The following PRKG1 variants were observed in gnomAD, a reference collection of about 807,000 sequenced individuals.
PRKG1 encodes protein kinase cGMP-dependent 1, also known as cGMP-dependent protein kinase 1.
A neutral mutation model predicts 88.1 loss-of-function variants in PRKG1; 35 were observed. The observed-to-expected ratio is 0.40, with a 90% CI of 0.30 to 0.53. PRKG1 has a LOEUF of 0.53. Ranked by LOEUF, PRKG1 falls within the 20% of genes least tolerant of loss-of-function variation. The pLI is 0.59. For missense variants in PRKG1, 540 were observed against 839.8 expected (o/e 0.64, Z 4.41); for synonymous variants, 303 against 292.5 (o/e 1.04, Z -0.37).
chr10:51,721,088 C>T (rs1209640931), intron 3 of PRKG1, among the ~76,000 whole-genome samples: 1 of 151,756 alleles, frequency 6.6e-6, no homozygotes, highest in Non-Finnish European at 1.5e-5. Flanking sequence ...TGATGTGTGC[C>T]TGTAGTCCCG....
intron 2 of PRKG1, among the ~76,000 whole-genome samples, chr10:51,395,794 A>G (rs1256379231): frequency 6.6e-6 from 1 of 152,162 alleles, no homozygotes; most frequent in Non-Finnish European, 1.5e-5. Flanking sequence ...ATATCCTGCT[A>G]AGTAATGCTG....
chr10:52,107,032 T>A (rs892621642), intron 7 of PRKG1, among the ~76,000 whole-genome samples: 2 of 152,184 alleles, frequency 1.3e-5, no homozygotes, highest in East Asian at 3.9e-4. Flanking sequence ...GTCCTGATCC[T>A]CCATAGTCAG....
intron 3 of PRKG1, among the ~76,000 whole-genome samples, chr10:51,558,114 C>A (rs1237932662): frequency 6.6e-6 from 1 of 151,882 alleles, no homozygotes; most frequent in East Asian, 1.9e-4. Flanking sequence ...ACCAACAGAC[C>A]AAATTTTTGA....
At chr10:51,694,350 A>G (rs919011233) in intron 3 of PRKG1, among the ~76,000 whole-genome samples, 1 of 152,240 alleles carries the variant, frequency 6.6e-6, no homozygotes, top group Non-Finnish European at 1.5e-5. Flanking sequence ...AGCCGTGATT[A>G]CGTTAACGGT....
At chr10:51,201,071 T>C (rs938840840) in intron 2 of PRKG1, among the ~76,000 whole-genome samples, 18 of 152,218 alleles carry the variant, frequency 1.2e-4, no homozygotes, top group Non-Finnish European at 2.4e-4. Flanking sequence ...CTAATCTTTA[T>C]CTTAAATCTC....
chr10:52,273,544 A>G (rs1190188657), intron 12 of PRKG1, among the ~76,000 whole-genome samples: 5 of 152,108 alleles, frequency 3.3e-5, no homozygotes, highest in African/African-American at 1.2e-4. Context: ...TTAAATTCTC[A>G]TTCCTAATGG....
intron 3 of PRKG1, among the ~76,000 whole-genome samples, chr10:51,686,633 G>T (rs1405060193): frequency 1.3e-5 from 2 of 152,158 alleles, no homozygotes; most frequent in Non-Finnish European, 2.9e-5. Context: ...AAGCACATTT[G>T]TTTCCCCCAT....
In PRKG1 at chr10:51,167,022, A is replaced by G. The variant is rs150524319; in HGVS notation, c.478+13692A>G. On this transcript the variant is annotated intron_variant, in intron 2 of 17. Coordinates refer to ENST00000373980, the MANE Select transcript of PRKG1 (RefSeq NM_006258.4). The stretch of plus-strand genomic sequence containing the variant: ...ACCTACTCAGTGATGATTATGTCTC[A>G]GTGGACACTGAGGACATTACAGTGA... 1.5e-3 allele frequency among the ~76,000 whole-genome samples: 227 copies of G among 152,330 alleles called. 1 individual carries two copies. Among genetic ancestry groups the G allele is most frequent in the African/African-American group, 5.1e-3 (214 of 41,584 alleles).
chr10:51,341,617 A>C lies in PRKG1; in HGVS notation c.479-126106A>C, dbSNP rs1283785034. Among the ~76,000 whole-genome samples, 5 of 152,160 alleles carry C rather than the reference A, an allele frequency of 3.3e-5. No homozygotes were observed. In the East Asian group the frequency reaches 9.6e-4, roughly 29 times the overall value. ...ATTGTTTTAGAGCCACTTGTGATTT[A>C]ATGTGGTACATTTCTTCTCCTGGCA... On this transcript the variant is annotated intron_variant, in intron 2 of 17. Coordinates refer to ENST00000373980, the MANE Select transcript of PRKG1 (RefSeq NM_006258.4).
At chr10:52,131,561 C>T (rs1481679095) in intron 7 of PRKG1, among the ~76,000 whole-genome samples, 5 of 151,744 alleles carry the variant, frequency 3.3e-5, no homozygotes, top group African/African-American at 1.2e-4. Context: ...AAAAGGAGGC[C>T]AGTGGCTGGG....
At chr10:51,131,563 A>C (rs1050590289) in intron 1 of PRKG1, among the ~76,000 whole-genome samples, 1 of 152,198 alleles carries the variant, frequency 6.6e-6, no homozygotes, top group Non-Finnish European at 1.5e-5. Context: ...CCTGATCAAC[A>C]TGGTGAAACT....
chr10:51,269,706 A>G (rs571869560), intron 2 of PRKG1, among the ~76,000 whole-genome samples: 60 of 152,218 alleles, frequency 3.9e-4, no homozygotes, highest in African/African-American at 1.3e-3. Flanking sequence ...GACTTTAGGG[A>G]CTCAGGCGGA....
intron 17 of PRKG1, 132 bp downstream of exon 17, chr10:52,290,422 A>C (rs1842214119): frequency 2.7e-6 from 2 of 743,454 alleles, no homozygotes; most frequent in Non-Finnish European, 4.1e-6. Flanking sequence ...TGTCACATTA[A>C]AATAATGACA....
chr10:51,521,552 C>T (rs1220655298), intron 3 of PRKG1, among the ~76,000 whole-genome samples: 1 of 152,036 alleles, frequency 6.6e-6, no homozygotes, highest in East Asian at 1.9e-4. Context: ...TCTACTGGCC[C>T]AAAATACACT....
chr10:51,397,125 ATTTTT>A (rs35688462), intron 2 of PRKG1, among the ~76,000 whole-genome samples: 2 of 126,110 alleles, frequency 1.6e-5, no homozygotes, highest in Non-Finnish European at 1.7e-5. Flanking sequence ...ATTACTGAGT[ATTTTT>A]TTTTTTTTTT....
At chr10:51,097,190 G>A (rs1320826392) in intron 1 of PRKG1, among the ~76,000 whole-genome samples, 1 of 152,122 alleles carries the variant, frequency 6.6e-6, no homozygotes, top group Non-Finnish European at 1.5e-5. Context: ...CATATAGGAG[G>A]AAAACATGCA....
At chr10:51,039,615 T>A (rs538377072) in intron 1 of PRKG1, among the ~76,000 whole-genome samples, 12 of 152,200 alleles carry the variant, frequency 7.9e-5, no homozygotes, top group Non-Finnish European at 2.9e-5. Flanking sequence ...TTTTAACGTG[T>A]CCATTTTTGC....
intron 1 of PRKG1, among the ~76,000 whole-genome samples, chr10:51,069,477 C>T (rs987628620): frequency 5.3e-5 from 8 of 151,736 alleles, no homozygotes; most frequent in Non-Finnish European, 7.4e-5. Flanking sequence ...TCTGTAAAAA[C>T]AATAAAGCAA....
In PRKG1 at chr10:52,296,496, A is replaced by C. The variant is rs1842386411; in HGVS notation, c.*2596A>C. ...ATTTTTAGGATTTAAATCTTGTCTTAATGAAGACTCTAGGGCTAAAATTCA... is the reference window on the plus strand; with the variant it reads ...ATTTTTAGGATTTAAATCTTGTCTTCATGAAGACTCTAGGGCTAAAATTCA... On this transcript the variant is annotated 3_prime_UTR_variant, in exon 18 of 18. Coordinates refer to ENST00000373980, the MANE Select transcript of PRKG1 (RefSeq NM_006258.4). The C allele has an allele frequency of 6.6e-6, 1 of 152,086 alleles. No homozygotes were observed. Among genetic ancestry groups the C allele is most frequent in the African/African-American group, 2.4e-5 (1 of 41,450 alleles). The allele number at this position is 152,086 out of a possible 1,614,324, so 9.4% of individuals were successfully genotyped here. A position where few individuals can be genotyped will look rare whatever the true frequency, so the allele number is the denominator to read the frequency against.
Sources: gnomAD v4.1 joint callset for allele counts (sites outside exome capture counted in the v4.1 genomes callset) on GRCh38, gnomAD v4.1.1 for gene constraint, MANE v1.5 for transcripts, NCBI Gene and HGNC (gene_info 2026-07-23, HGNC 2026-07-21) for gene names.